AKAP8: variants seen among roughly 807,000 people sequenced by gnomAD.
AKAP8 encodes the protein A-kinase anchoring protein 8.
AKAP8 carries 24 observed loss-of-function variants against 67.5 expected under a neutral mutation model. That is an observed-to-expected ratio of 0.36 (90% CI 0.26 to 0.50). The LOEUF (loss-of-function observed/expected upper bound fraction) is 0.50. Ranked by LOEUF, AKAP8 falls within the 20% of genes least tolerant of loss-of-function variation. The pLI, the probability that AKAP8 is intolerant of heterozygous loss-of-function variation, is 0.97. For synonymous variants in AKAP8, 400 were observed against 371.1 expected, an observed-to-expected ratio of 1.08 and a Z score of -0.90; for missense variants, 971 against 955.9, an observed-to-expected ratio of 1.02 and a Z score of -0.21.
At chr19:15,372,815 G>A (rs942716108) in intron 5 of AKAP8, 36 bp downstream of exon 5, 57 of 1,479,758 alleles carry the variant, frequency 3.9e-5, no homozygotes, top group Non-Finnish European at 5.0e-5. Context: ...AAAAAGAGAA[G>A]CGAAGGCGGC....
intron 7 of AKAP8, among the ~76,000 whole-genome samples, chr19:15,370,508 C>T (rs373386582): frequency 1.2e-4 from 19 of 152,254 alleles, no homozygotes; most frequent in South Asian, 1.2e-3. Flanking sequence ...ATGAATGGAG[C>T]CTGTTCACCA....
intron 9 of AKAP8, among the ~76,000 whole-genome samples, chr19:15,364,428 G>A (rs1255520375): frequency 1.3e-5 from 2 of 152,058 alleles, no homozygotes; most frequent in Non-Finnish European, 2.9e-5. Flanking sequence ...TTGGCTCACT[G>A]CAACCTCCGC....
chr19:15,355,132 G>T lies in AKAP8; in HGVS notation c.1862C>A (p.Ala621Asp). Residue 621 changes from alanine (A) to aspartate (D), a missense_variant, in exon 14 of 14, where the codon GCC (alanine) becomes GAC (aspartate). This residue lies in a region of AKAP8 where 204 missense variants were observed against 193.0 expected (regional missense o/e 1.06). Coordinates refer to ENST00000269701, the MANE Select transcript of AKAP8 (RefSeq NM_005858.4). ...DTAEAGSDPQ[A>D]EQLLEEQVPC... The stretch of plus-strand genomic sequence containing the variant: ...CACCTGCTCTTCCAGCAGCTGTTCG[G>T]CTTGAGGATCACTACCGGCCTCCGC... The T allele has an allele frequency of 6.2e-7, 1 of 1,613,480 alleles. No homozygotes were observed.
At position 15,354,663 on chromosome 19, in the gene AKAP8, C is replaced by G. The variant is rs912641057; in HGVS notation, c.*252G>C. The G allele has an allele frequency of 1.9e-6, 1 of 528,152 alleles. No individual in the cohort carries two copies. The highest frequency in any genetic ancestry group is 3.0e-5 in the East Asian group (1 of 33,218). The allele number at this position is 528,152 out of a possible 1,614,324, so 32.7% of individuals were successfully genotyped here. A position where few individuals can be genotyped will look rare whatever the true frequency, so the allele number is the denominator to read the frequency against. ...CACCCAACCTTTATTATTCCAAGTGCACTACTGTCAAGAGACATGTTACAG... is the reference window on the plus strand; with the variant it reads ...CACCCAACCTTTATTATTCCAAGTGGACTACTGTCAAGAGACATGTTACAG... On this transcript the variant is annotated 3_prime_UTR_variant, in exon 14 of 14. Transcript: ENST00000269701.
chr19:15,362,119 C>T lies in AKAP8; in HGVS notation c.1293G>A (p.Glu431=). The T allele has an allele frequency of 6.2e-7, 1 of 1,614,034 alleles. No individual in the cohort carries two copies. The change falls in exon 10 of 14, where the codon GAG becomes GAA. Residue 431 remains glutamate (E), a synonymous_variant. Transcript: ENST00000269701. ...CCCAGGTTTCCTTTACCTGGAGGAACTCCACGGTCTTGTCGGGCAGCTTGG... is the reference window on the plus strand; with the variant it reads ...CCCAGGTTTCCTTTACCTGGAGGAATTCCACGGTCTTGTCGGGCAGCTTGG... ...ISTKLPDKTV[E]FLQEYIVNRN...
chr19:15,376,700 T>A (rs998410529), intron 2 of AKAP8, among the ~76,000 whole-genome samples: 2 of 152,214 alleles, frequency 1.3e-5, no homozygotes, highest in Non-Finnish European at 2.9e-5. Flanking sequence ...AAATAGAGTA[T>A]TCACTAACAC....
chr19:15,378,629 C>T (rs563571695), intron 1 of AKAP8, among the ~76,000 whole-genome samples: 2 of 152,296 alleles, frequency 1.3e-5, no homozygotes, highest in East Asian at 1.9e-4. Flanking sequence ...GCCTCAGGAC[C>T]GAAACCTCTC....
At position 15,354,769 on chromosome 19, in the gene AKAP8, G is replaced by T. The variant is rs897713931; in HGVS notation, c.*146C>A. ...CATGAGACAAGCCGTGAGAGGCACT[G>T]CTCAGGAGGAAACGCTGGGTCTCTT... On this transcript the variant is annotated 3_prime_UTR_variant, in exon 14 of 14. Coordinates refer to ENST00000269701, the MANE Select transcript of AKAP8 (RefSeq NM_005858.4). The T allele has an allele frequency of 3.3e-6, 3 of 907,414 alleles. No homozygotes were observed. Among genetic ancestry groups the T allele is most frequent in the Non-Finnish European group, 5.0e-6 (3 of 605,630 alleles). 56.2% of individuals were successfully genotyped at this position (907,414 alleles called of 1,614,324 possible). A position where few individuals can be genotyped will look rare whatever the true frequency, so the allele number is the denominator to read the frequency against.
rs910443914 is a variant in AKAP8 at position 15,372,780 on chromosome 19, G to A, written c.861+71C>T. The A allele has an allele frequency of 3.4e-6, 5 of 1,449,574 alleles. No homozygotes were observed. In the African/African-American group the frequency reaches 4.2e-5, roughly 12 times the overall value. The allele number at this position is 1,449,574 out of a possible 1,614,324, so 89.8% of individuals were successfully genotyped here. A position where few individuals can be genotyped will look rare whatever the true frequency, so the allele number is the denominator to read the frequency against. On this transcript the variant is annotated intron_variant, in intron 5 of 13. Transcript: ENST00000269701. ...ACATTTAAGTGAATGTTGAGATGGG[G>A]AAATTTTACCTCAATAAAGCTGCTA...
At chr19:15,377,972 C>A (rs1172992735) in intron 1 of AKAP8, among the ~76,000 whole-genome samples, 1 of 152,190 alleles carries the variant, frequency 6.6e-6, no homozygotes, top group Admixed American at 6.5e-5. Context: ...GAGCTGCGCG[C>A]GGGTGGCCAC....
chr19:15,367,139 T>C, intron 9 of AKAP8, among the ~76,000 whole-genome samples: 1 of 152,200 alleles, frequency 6.6e-6, no homozygotes, highest in Admixed American at 6.5e-5. Flanking sequence ...ACTCCCGGCC[T>C]CAAGCGATCC....
chr19:15,379,581 C>T, intron 1 of AKAP8, 132 bp downstream of exon 1: 2 of 1,032,460 alleles, frequency 1.9e-6, no homozygotes, highest in South Asian at 1.9e-5. Flanking sequence ...GCGCCCTGGC[C>T]GCCTCTCCGG....
intron 7 of AKAP8, among the ~76,000 whole-genome samples, chr19:15,370,461 T>G (rs1366834017): frequency 6.6e-6 from 1 of 152,186 alleles, no homozygotes; most frequent in Non-Finnish European, 1.5e-5. Context: ...GCTGCAGAAC[T>G]GCCTGCCCCA....
At chr19:15,362,505 G>A (rs921205211) in intron 9 of AKAP8, among the ~76,000 whole-genome samples, 2 of 151,702 alleles carry the variant, frequency 1.3e-5, no homozygotes, top group Non-Finnish European at 2.9e-5. Flanking sequence ...TTGCAGGCGC[G>A]CGCCGCCACG....
Position 15,374,034 on chromosome 19 carries a change from C to T in AKAP8, c.123G>A (p.Gln41=), listed in dbSNP as rs1448355104. Residue 41 remains glutamine, a synonymous_variant, in exon 4 of 14, where the codon CAG becomes CAA. Transcript: ENST00000269701. Reference sequence around the variant, plus strand: ...TTGCGCCTGTGGTGACACTGGTGTTCTGGGCGCCATAGTAATTGTAGTTTT... The same window carrying T: ...TTGCGCCTGTGGTGACACTGGTGTTTTGGGCGCCATAGTAATTGTAGTTTT... The part of the protein sequence containing the change: ...GYENYNYYGA[Q]NTSVTTGATY... The T allele has an allele frequency of 6.3e-7, 1 of 1,584,062 alleles. No homozygotes were observed. The highest frequency in any genetic ancestry group is 1.4e-5 in the African/African-American group (1 of 73,086).
Position 15,372,923 on chromosome 19 carries a change from C to A in AKAP8, c.789G>T (p.Gly263=). ...APDYGVMGMQ[G]AGGYDSTMPY... ...GCATGGTGCTGTCATAGCCGCCCGC[C>A]CCCTGCATGCCCATCACGCCGTAGT... The change falls in exon 5 of 14, where the codon GGG becomes GGT. Residue 263 remains glycine (G), a synonymous_variant. Coordinates refer to ENST00000269701, the MANE Select transcript of AKAP8 (RefSeq NM_005858.4). 5 of 1,524,402 alleles carry A rather than the reference C, an allele frequency of 3.3e-6. No individual in the cohort carries two copies. The highest frequency in any genetic ancestry group is 4.4e-6 in the Non-Finnish European group (5 of 1,137,098). 94.4% of individuals were successfully genotyped at this position (1,524,402 alleles called of 1,614,324 possible). A position where few individuals can be genotyped will look rare whatever the true frequency, so the allele number is the denominator to read the frequency against.
Position 15,355,016 on chromosome 19 carries a change from C to T in AKAP8, c.1978G>A (p.Ala660Thr), listed in dbSNP as rs763092973. ...GCAACTCTGGTTTGGGCACTTTCTG[C>T]CTCTGCTGCCATTGTCTCGGCGCCA... Reference protein sequence around the residue: ...GNGAETMAAEAESAQTRVAPA... With the variant: ...GNGAETMAAETESAQTRVAPA... Residue 660 changes from alanine (A) to threonine (T), a missense_variant, in exon 14 of 14, where the codon GCA (alanine) becomes ACA (threonine). This residue lies in a region of AKAP8 where 204 missense variants were observed against 193.0 expected (regional missense o/e 1.06). Coordinates refer to ENST00000269701, the MANE Select transcript of AKAP8 (RefSeq NM_005858.4). The T allele has an allele frequency of 1.4e-5, 22 of 1,614,054 alleles. No individual in the cohort carries two copies. Among genetic ancestry groups the T allele is most frequent in the Middle Eastern group, 1.6e-4 (1 of 6,084 alleles).
chr19:15,354,905 G>C lies in AKAP8; in HGVS notation c.*10C>G. ...ATCCCAACGCCTTCCCTGGAACAGG[G>C]AAATGAGCATCATTCTGTGGGAACA... On this transcript the variant is annotated 3_prime_UTR_variant, in exon 14 of 14. Transcript: ENST00000269701. 1 of 1,612,056 alleles carries C rather than the reference G, an allele frequency of 6.2e-7. No homozygotes were observed. Among genetic ancestry groups the C allele is most frequent in the Non-Finnish European group, 8.5e-7 (1 of 1,178,582 alleles).
At chr19:15,368,391 C>A in intron 8 of AKAP8, 69 bp from the exon 9 acceptor site, 1 of 1,606,042 alleles carries the variant, frequency 6.2e-7, no homozygotes, top group South Asian at 1.1e-5. Context: ...AGGGCCTGGT[C>A]GGGGGGCTGC....
Sources: allele counts gnomAD v4.1 joint callset (sites outside exome capture counted in the v4.1 genomes callset), GRCh38; gene constraint gnomAD v4.1.1; regional missense constraint gnomAD v4.1.1; transcripts MANE v1.5; gene names NCBI Gene and HGNC (gene_info 2026-07-23, HGNC 2026-07-21).